Variants in LPP observed in about 807,000 individuals in gnomAD.
The protein encoded by LPP is LIM domain containing preferred translocation partner in lipoma.
A neutral mutation model predicts 60.4 loss-of-function variants in LPP; 38 were observed. The observed-to-expected ratio is 0.63, with a 90% CI of 0.49 to 0.83. The LOEUF is 0.83. LPP is among the 40% of genes least tolerant of loss of function. The pLI is 0.00. For missense variants in LPP, 902 were observed against 783.6 expected (o/e 1.15, Z -1.80); for synonymous variants, 328 against 290.8 (o/e 1.13, Z -1.30).
At chr3:188,198,093 G>A (rs1730046925) in intron 1 of LPP, among the ~76,000 whole-genome samples, 1 of 152,188 alleles carries the variant, frequency 6.6e-6, no homozygotes, top group African/African-American at 2.4e-5. Flanking sequence ...CGATTGCTAT[G>A]TGCCAGTCAC....
chr3:188,542,080 C>A (rs886427710), intron 6 of LPP, among the ~76,000 whole-genome samples: 3 of 152,136 alleles, frequency 2.0e-5, no homozygotes, highest in African/African-American at 7.2e-5. Flanking sequence ...TTATAATACA[C>A]TTGCATCTGC....
rs765450772 is a variant in LPP, at chr3:188,708,463, C to G, written c.1240+70C>G. 10 of 1,597,920 alleles carry G rather than the reference C, an allele frequency of 6.3e-6. No homozygotes were observed. In the African/African-American group the frequency reaches 1.2e-4, roughly 19 times the overall value. ...TGATTTCCTTCCTTAGTAATTGGAA[C>G]TATTATCAGCTCCACTGGTAAAGTA... On this transcript the variant is annotated intron_variant, in intron 8 of 11. Coordinates refer to ENST00000617246, the MANE Select transcript of LPP (RefSeq NM_001375462.1).
intron 4 of LPP, among the ~76,000 whole-genome samples, chr3:188,449,633 G>A (rs1343103476): frequency 6.6e-6 from 1 of 152,044 alleles, no homozygotes; most frequent in African/African-American, 2.4e-5. Context: ...GCTGAGGCAA[G>A]ATTTAAAATC....
chr3:188,848,595 C>T (rs1291082962), intron 9 of LPP, among the ~76,000 whole-genome samples: 1 of 152,224 alleles, frequency 6.6e-6, no homozygotes, highest in Non-Finnish European at 1.5e-5. Context: ...AGACATTTGG[C>T]ATCATCTAGT....
At chr3:188,779,247 A>C (rs928960882) in intron 9 of LPP, among the ~76,000 whole-genome samples, 1 of 152,130 alleles carries the variant, frequency 6.6e-6, no homozygotes, top group African/African-American at 2.4e-5. Flanking sequence ...TGCTTGAGAG[A>C]TAGGGGTATT....
intron 1 of LPP, chr3:188,179,277 G>A: frequency 2.2e-6 from 1 of 458,280 alleles, no homozygotes; most frequent in Non-Finnish European, 4.4e-6. Flanking sequence ...CTTCGCAGCG[G>A]AGCTTCTTTA....
At chr3:188,568,758 G>C (rs1417000162) in intron 6 of LPP, 1 of 152,084 alleles carries the variant, frequency 6.6e-6, no homozygotes, top group Non-Finnish European at 1.5e-5. Flanking sequence ...GGAAAGTAGA[G>C]AGGAAGAAGT....
chr3:188,248,819 CA>C (rs1728051381), intron 2 of LPP, among the ~76,000 whole-genome samples: 1 of 152,032 alleles, frequency 6.6e-6, no homozygotes, highest in Non-Finnish European at 1.5e-5. Flanking sequence ...TTTTTAATCC[CA>C]AAAGCCACTG....
intron 9 of LPP, among the ~76,000 whole-genome samples, chr3:188,834,659 A>T (rs1435341002): frequency 1.3e-5 from 2 of 151,980 alleles, no homozygotes; most frequent in Non-Finnish European, 2.9e-5. Flanking sequence ...GTTCAGTACA[A>T]CCTCAGTGCC....
chr3:188,498,517 G>A (rs1027049137), intron 5 of LPP, among the ~76,000 whole-genome samples: 6 of 152,116 alleles, frequency 3.9e-5, no homozygotes, highest in Admixed American at 1.3e-4. Context: ...TGTAGCATAT[G>A]TCATGCTATA....
chr3:188,315,643 T>C (rs1440270712), intron 2 of LPP, among the ~76,000 whole-genome samples: 1 of 152,184 alleles, frequency 6.6e-6, no homozygotes, highest in Non-Finnish European at 1.5e-5. Flanking sequence ...AATGTAAGCT[T>C]TGTAGGGACA....
intron 9 of LPP, among the ~76,000 whole-genome samples, chr3:188,804,982 A>G (rs1446730538): frequency 6.6e-6 from 1 of 152,024 alleles, no homozygotes; most frequent in African/African-American, 2.4e-5. Flanking sequence ...CAGCTGGTTC[A>G]TATGGTAGGT....
rs920400033 is a variant in LPP, at chr3:188,883,984, G to A, written c.*9505G>A. ...GTTTAAATAATATACCTTTGTCATG[G>A]GGAAGACCATGATTGTGGCTTCTTC... On this transcript the variant is annotated 3_prime_UTR_variant, in exon 12 of 12. Coordinates refer to ENST00000617246, the MANE Select transcript of LPP (RefSeq NM_001375462.1). 1 of 218,734 alleles carries A rather than the reference G, an allele frequency of 4.6e-6. No homozygotes were observed. Among genetic ancestry groups the A allele is most frequent in the African/African-American group, 2.2e-5 (1 of 44,484 alleles). The allele number at this position is 218,734 out of a possible 1,614,324, so 13.5% of individuals were successfully genotyped here.
intron 3 of LPP, among the ~76,000 whole-genome samples, 165 bp from the exon 4 acceptor site, chr3:188,405,947 T>C (rs1043697344): frequency 1.3e-5 from 2 of 152,158 alleles, no homozygotes; most frequent in Admixed American, 1.3e-4. Flanking sequence ...TATTCATGAT[T>C]CCTCTGCCTC....
intron 2 of LPP, among the ~76,000 whole-genome samples, chr3:188,288,455 T>C (rs1164380180): frequency 6.6e-6 from 1 of 152,144 alleles, no homozygotes; most frequent in Non-Finnish European, 1.5e-5. Context: ...GATGAGGCAG[T>C]TGAGTGGCAA....
chr3:188,556,038 C>T (rs1829386847), intron 6 of LPP, among the ~76,000 whole-genome samples: 1 of 152,084 alleles, frequency 6.6e-6, no homozygotes, highest in African/African-American at 2.4e-5. Context: ...AAATGTGCTT[C>T]AAGAGTGAGT....
intron 3 of LPP, among the ~76,000 whole-genome samples, chr3:188,354,788 C>T (rs566660669): frequency 6.6e-6 from 1 of 151,806 alleles, no homozygotes; most frequent in South Asian, 2.1e-4. Flanking sequence ...TCCCTGGGAA[C>T]ATTAATCAAT....
intron 7 of LPP, among the ~76,000 whole-genome samples, chr3:188,675,292 C>T (rs528021634): frequency 3.7e-4 from 56 of 152,136 alleles, no homozygotes; most frequent in Non-Finnish European, 6.5e-4. Flanking sequence ...AAGTGGGTTG[C>T]GGCAAGCCCT....
At chr3:188,716,419 C>CA (rs930332672) in intron 8 of LPP, among the ~76,000 whole-genome samples, 59 of 151,600 alleles carry the variant, frequency 3.9e-4, no homozygotes, top group Non-Finnish European at 5.7e-4. Flanking sequence ...AGAAACAGAA[C>CA]AAAAAAAACA....
Sources: allele counts gnomAD v4.1 joint callset (sites outside exome capture counted in the v4.1 genomes callset), GRCh38; gene constraint gnomAD v4.1.1; transcripts MANE v1.5; gene names NCBI Gene and HGNC (gene_info 2026-07-23, HGNC 2026-07-21).